FANCB: variants seen among roughly 807,000 people sequenced by gnomAD.
FANCB encodes Fanconi anemia group B protein.
FANCB carries 5 observed loss-of-function variants against 38.9 expected under a neutral mutation model. The ratio of observed to expected loss-of-function variants is 0.13; its 90% CI spans 0.07 to 0.27. FANCB has a LOEUF of 0.27. Ranked by LOEUF, FANCB falls within the 10% of genes least tolerant of loss-of-function variation. FANCB has a pLI of 1.00. For synonymous variants in FANCB, 236 were observed against 215.4 expected, an observed-to-expected ratio of 1.10 and a Z score of -0.84; for missense variants, 573 against 602.7, an observed-to-expected ratio of 0.95 and a Z score of 0.52.
downstream of FANCB, among the ~76,000 whole-genome samples, chrX:14,842,947 C>T (rs2092359435): frequency 1.8e-5 from 2 of 111,540 alleles, no homozygotes; most frequent in South Asian, 3.7e-4. Flanking sequence ...TTAATGGTCT[C>T]GCCCAGACAA....
the FANCB span, among the ~76,000 whole-genome samples, chrX:14,707,894 A>G: frequency 9.0e-6 from 1 of 111,134 alleles, no homozygotes; most frequent in African/African-American, 3.3e-5. Context: ...GATTTGATAT[A>G]TGTATACACT....
chrX:14,750,101 A>T, the FANCB span, among the ~76,000 whole-genome samples: 1 of 112,171 alleles, frequency 8.9e-6, no homozygotes, highest in African/African-American at 3.2e-5. Context: ...AGATAATCAG[A>T]TTGAGGCTCT....
At chrX:14,809,367 C>G in the FANCB span, among the ~76,000 whole-genome samples, 1 of 112,488 alleles carries the variant, frequency 8.9e-6, no homozygotes, top group Admixed American at 9.3e-5. Context: ...CGAGCTGAAG[C>G]AGGGCGAGGC....
the FANCB span, among the ~76,000 whole-genome samples, chrX:14,705,747 C>T: frequency 8.9e-6 from 1 of 112,065 alleles, no homozygotes; most frequent in Non-Finnish European, 1.9e-5. Flanking sequence ...TATAGCAAAT[C>T]AGGGATCCAA....
the FANCB span, among the ~76,000 whole-genome samples, chrX:14,760,075 C>T: frequency 7.2e-5 from 8 of 111,826 alleles, no homozygotes; most frequent in African/African-American, 2.3e-4. Flanking sequence ...TAAAGACCAT[C>T]GACACTATGA....
At chrX:14,731,211 TTAATA>T in the FANCB span, 2 of 112,499 alleles carry the variant, frequency 1.8e-5, no homozygotes, top group Non-Finnish European at 3.8e-5. Flanking sequence ...GGTGTGCATT[TTAATA>T]TTTTTCTTTC....
At chrX:14,806,241 G>C in the FANCB span, among the ~76,000 whole-genome samples, 2 of 111,855 alleles carry the variant, frequency 1.8e-5, no homozygotes, top group Admixed American at 1.9e-4. Flanking sequence ...ACTATGATGA[G>C]ATGCTGTGGC....
chrX:14,849,867 A>G (rs765823004), intron 7 of FANCB, among the ~76,000 whole-genome samples: 2 of 112,085 alleles, frequency 1.8e-5, no homozygotes, highest in Non-Finnish European at 3.8e-5. Flanking sequence ...GAGAGTAGCT[A>G]TTAGATACAT....
At chrX:14,768,505 G>A in the FANCB span, among the ~76,000 whole-genome samples, 1 of 111,829 alleles carries the variant, frequency 8.9e-6, no homozygotes, top group African/African-American at 3.2e-5. Context: ...TTTGCACATT[G>A]ACTTTATATC....
chrX:14,800,973 T>C, the FANCB span, among the ~76,000 whole-genome samples: 11 of 111,760 alleles, frequency 9.8e-5, no homozygotes, highest in Non-Finnish European at 3.8e-5. Context: ...TTTGTTTACA[T>C]GCTGAGCTGA....
the FANCB span, among the ~76,000 whole-genome samples, chrX:14,771,149 C>G: frequency 4.5e-5 from 5 of 110,971 alleles, no homozygotes; most frequent in African/African-American, 1.6e-4. Flanking sequence ...TAGTGGGGTT[C>G]TCTGCATTTC....
At chrX:14,808,784 G>T in the FANCB span, among the ~76,000 whole-genome samples, 2 of 112,304 alleles carry the variant, frequency 1.8e-5, no homozygotes, top group East Asian at 5.6e-4. Flanking sequence ...ATCCTTGTTT[G>T]CTGATGATAT....
At chrX:14,866,420 G>A (rs1194679287) in intron 2 of FANCB, among the ~76,000 whole-genome samples, 1 of 110,978 alleles carries the variant, frequency 9.0e-6, no homozygotes, top group Admixed American at 9.6e-5. Context: ...TACCTTTTAA[G>A]CAAGAAAGCC....
At chrX:14,745,752 T>G in the FANCB span, among the ~76,000 whole-genome samples, 1 of 85,462 alleles carries the variant, frequency 1.2e-5, no homozygotes, top group East Asian at 4.3e-4. Context: ...CAGGCTGGAG[T>G]GCAGTGGCAT....
chrX:14,803,473 C>T, the FANCB span, among the ~76,000 whole-genome samples: 31 of 112,566 alleles, frequency 2.8e-4, no homozygotes, highest in African/African-American at 9.7e-4. Flanking sequence ...AATGCTATTG[C>T]AGAATAAGGC....
the FANCB span, among the ~76,000 whole-genome samples, chrX:14,810,032 C>T: frequency 2.3e-4 from 26 of 111,980 alleles, no homozygotes; most frequent in South Asian, 4.1e-3. Context: ...CTGCAGCCAC[C>T]GCTGCTGATA....
At chrX:14,801,639 T>C in the FANCB span, among the ~76,000 whole-genome samples, 1 of 111,131 alleles carries the variant, frequency 9.0e-6, no homozygotes, top group Non-Finnish European at 1.9e-5. Context: ...CGTGTGTGCA[T>C]GTGTGTGTGT....
the FANCB span, among the ~76,000 whole-genome samples, chrX:14,709,803 G>C: frequency 8.9e-6 from 1 of 111,928 alleles, no homozygotes; most frequent in Middle Eastern, 4.6e-3. Context: ...AGAAGCAATA[G>C]GAAAGTGCCT....
At chrX:14,740,372 A>G in the FANCB span, among the ~76,000 whole-genome samples, 1 of 110,970 alleles carries the variant, frequency 9.0e-6, no homozygotes, top group Admixed American at 9.6e-5. Flanking sequence ...ATCTAACTAC[A>G]TGATCTCCCA....
Sources: gnomAD v4.1 joint callset for allele counts (sites outside exome capture counted in the v4.1 genomes callset) on GRCh38, gnomAD v4.1.1 for gene constraint, MANE v1.5 for transcripts, NCBI Gene and HGNC (gene_info 2026-07-23, HGNC 2026-07-21) for gene names.